Variants in CCSER1 observed in about 807,000 individuals in gnomAD.
The protein encoded by CCSER1 is coiled-coil serine rich protein 1, also known as serine-rich coiled-coil domain-containing protein 1.
In CCSER1, 41 loss-of-function variants were observed where a neutral mutation model predicts 82.0. The ratio of observed to expected loss-of-function variants is 0.50; its 90% CI spans 0.39 to 0.65. CCSER1 has a LOEUF of 0.65. Ranked by LOEUF, CCSER1 falls within the 30% of genes least tolerant of loss-of-function variation. CCSER1 has a pLI of 0.00. For missense variants in CCSER1, 1,119 were observed against 1,064.2 expected (o/e 1.05, Z -0.72); for synonymous variants, 414 against 383.9 (o/e 1.08, Z -0.92).
At chr4:90,134,611 A>G (rs1192124110) in intron 1 of CCSER1, among the ~76,000 whole-genome samples, 2 of 152,214 alleles carry the variant, frequency 1.3e-5, no homozygotes, top group Admixed American at 6.5e-5. Context: ...TCCACTTCAT[A>G]TTTGAAGTTA....
chr4:90,235,604 G>GACAGA (rs1745637201), intron 1 of CCSER1, among the ~76,000 whole-genome samples: 1 of 151,960 alleles, frequency 6.6e-6, no homozygotes, highest in South Asian at 2.1e-4. Context: ...TTTATACTTA[G>GACAGA]TTATCTGTGC....
At chr4:90,598,625 A>G (rs1410020425) in intron 5 of CCSER1, among the ~76,000 whole-genome samples, 1 of 152,160 alleles carries the variant, frequency 6.6e-6, no homozygotes, top group Non-Finnish European at 1.5e-5. Flanking sequence ...AGAAATGTGT[A>G]TTCAGGTCCT....
intron 8 of CCSER1, among the ~76,000 whole-genome samples, chr4:90,907,063 G>C (rs1445799924): frequency 6.6e-6 from 1 of 152,142 alleles, no homozygotes; most frequent in African/African-American, 2.4e-5. Context: ...TAAGCTTCTA[G>C]TACATTCTTC....
chr4:91,097,070 C>T (rs1477750967), intron 10 of CCSER1, among the ~76,000 whole-genome samples: 3 of 152,108 alleles, frequency 2.0e-5, no homozygotes, highest in Non-Finnish European at 4.4e-5. Context: ...TCCCAGTGTC[C>T]AGCCGGTGCC....
At chr4:90,771,950 C>G (rs1752244057) in intron 7 of CCSER1, among the ~76,000 whole-genome samples, 1 of 152,012 alleles carries the variant, frequency 6.6e-6, no homozygotes. Flanking sequence ...TATGGATACT[C>G]GAGTTTTGAT....
chr4:91,077,377 A>G (rs1233679385), intron 9 of CCSER1, among the ~76,000 whole-genome samples: 1 of 152,226 alleles, frequency 6.6e-6, no homozygotes, highest in Admixed American at 6.5e-5. Flanking sequence ...CACTAAATAA[A>G]ATAAAATTTA....
chr4:91,579,284 G>A (rs1221652802), intron 10 of CCSER1, among the ~76,000 whole-genome samples: 4 of 151,146 alleles, frequency 2.6e-5, no homozygotes, highest in Non-Finnish European at 4.4e-5. Context: ...TTGTTGTATG[G>A]ACCAATTCCA....
chr4:90,561,999 G>A (rs1778816367), intron 5 of CCSER1, among the ~76,000 whole-genome samples: 2 of 152,006 alleles, frequency 1.3e-5, no homozygotes, highest in African/African-American at 4.8e-5. Context: ...GACCAGCCTG[G>A]CCAACATGGT....
intron 10 of CCSER1, among the ~76,000 whole-genome samples, chr4:91,451,166 A>G (rs1755851916): frequency 6.6e-6 from 1 of 151,980 alleles, no homozygotes; most frequent in Non-Finnish European, 1.5e-5. Flanking sequence ...TTATAAAATC[A>G]AAAATCCCAT....
At chr4:90,373,212 G>A (rs751844591) in intron 3 of CCSER1, among the ~76,000 whole-genome samples, 3 of 152,072 alleles carry the variant, frequency 2.0e-5, no homozygotes, top group Non-Finnish European at 2.9e-5. Context: ...ATGAAGTGAC[G>A]AGACATATAA....
chr4:91,396,857 G>A (rs1425801881), intron 10 of CCSER1, among the ~76,000 whole-genome samples: 2 of 151,980 alleles, frequency 1.3e-5, no homozygotes, highest in African/African-American at 4.8e-5. Context: ...CAGCTGTGGA[G>A]ACAAGTTAAA....
intron 10 of CCSER1, among the ~76,000 whole-genome samples, chr4:91,334,543 C>T (rs886877203): frequency 6.6e-6 from 1 of 152,034 alleles, no homozygotes; most frequent in African/African-American, 2.4e-5. Flanking sequence ...CACACTCACA[C>T]ACACACATTC....
intron 6 of CCSER1, among the ~76,000 whole-genome samples, chr4:90,695,672 T>G (rs368077969): frequency 6.6e-6 from 1 of 152,072 alleles, no homozygotes; most frequent in South Asian, 2.1e-4. Flanking sequence ...TCTCAATAGC[T>G]TATAAATGTC....
intron 4 of CCSER1, among the ~76,000 whole-genome samples, chr4:90,429,588 T>G (rs1031798698): frequency 6.6e-6 from 1 of 151,870 alleles, no homozygotes; most frequent in Non-Finnish European, 1.5e-5. Context: ...TGAAAAATAT[T>G]GTCAGAAAAC....
At chr4:90,824,889 G>C (rs576348165) in intron 8 of CCSER1, among the ~76,000 whole-genome samples, 2 of 151,898 alleles carry the variant, frequency 1.3e-5, no homozygotes, top group South Asian at 2.1e-4. Context: ...TCTTTTTTCA[G>C]GAGAATTAAT....
chr4:90,350,385 C>T (rs1328196656), intron 3 of CCSER1, among the ~76,000 whole-genome samples: 3 of 152,002 alleles, frequency 2.0e-5, no homozygotes, highest in Non-Finnish European at 2.9e-5. Context: ...CAAGTATATT[C>T]TTGATTATGA....
intron 9 of CCSER1, among the ~76,000 whole-genome samples, chr4:90,948,856 T>C (rs1384563356): frequency 6.6e-6 from 1 of 152,034 alleles, no homozygotes; most frequent in African/African-American, 2.4e-5. Flanking sequence ...AAACTTACAG[T>C]GTGTTGGGTC....
Position 90,861,926 on chromosome 4 carries a change from ATT to A in CCSER1, c.2094+46090_2094+46091del, listed in dbSNP as rs70963087. Among the ~76,000 whole-genome samples, 627 of 125,602 alleles carry A rather than the reference ATT, an allele frequency of 5.0e-3. 2 individuals are homozygous for A. Among genetic ancestry groups the A allele is most frequent in the Non-Finnish European group, 7.4e-3 (426 of 57,492 alleles). 82.4% of individuals were successfully genotyped at this position (125,602 alleles called of 152,430 possible). A position where few individuals can be genotyped will look rare whatever the true frequency, so the allele number is the denominator to read the frequency against. ...GACTCATATATATATATATATATATATTTTTTTTTTCTGTTAGACTAGTGTTG... is the reference window on the plus strand; with the variant it reads ...GACTCATATATATATATATATATATATTTTTTTTCTGTTAGACTAGTGTTG... On this transcript the variant is annotated intron_variant, in intron 8 of 10. Coordinates refer to ENST00000509176, the MANE Select transcript of CCSER1 (RefSeq NM_001145065.2).
Position 91,601,207 on chromosome 4 carries a change from A to G in CCSER1, c.*2150A>G, listed in dbSNP as rs1044432377. 8 of 152,074 alleles carry G rather than the reference A, an allele frequency of 5.3e-5. No individual in the cohort carries two copies. Among genetic ancestry groups the G allele is most frequent in the African/African-American group, 1.9e-4 (8 of 41,448 alleles). 9.4% of individuals were successfully genotyped at this position (152,074 alleles called of 1,614,324 possible). On this transcript the variant is annotated 3_prime_UTR_variant, in exon 11 of 11. Coordinates refer to ENST00000509176, the MANE Select transcript of CCSER1 (RefSeq NM_001145065.2). Reference sequence around the variant, plus strand: ...TTTTGAATTATACTTTATAAAAATAATCTATTTATAGAAGATCTGTCATTT... The same window carrying G: ...TTTTGAATTATACTTTATAAAAATAGTCTATTTATAGAAGATCTGTCATTT...
Sources: gnomAD v4.1 joint callset for allele counts (sites outside exome capture counted in the v4.1 genomes callset) on GRCh38, gnomAD v4.1.1 for gene constraint, MANE v1.5 for transcripts, NCBI Gene and HGNC (gene_info 2026-07-23, HGNC 2026-07-21) for gene names.